Variants in XPR1 observed in about 807,000 individuals in gnomAD.
XPR1 encodes the protein xenotropic and polytropic retrovirus receptor 1.
XPR1 carries 28 observed loss-of-function variants against 87.5 expected under a neutral mutation model. The ratio of observed to expected loss-of-function variants is 0.32; its 90% CI spans 0.24 to 0.44. The LOEUF (loss-of-function observed/expected upper bound fraction) is 0.44. XPR1 is among the 20% of genes least tolerant of loss of function. XPR1 has a pLI of 1.00. For missense variants in XPR1, 559 were observed against 862.3 expected (o/e 0.65, Z 4.41); for synonymous variants, 300 against 306.1 (o/e 0.98, Z 0.21).
intron 2 of XPR1, among the ~76,000 whole-genome samples, chr1:180,760,604 C>G (rs1432755074): frequency 1.3e-5 from 2 of 151,988 alleles, no homozygotes; most frequent in East Asian, 1.9e-4. Flanking sequence ...ACTGCTCAAT[C>G]AAATAAAAGA....
chr1:180,733,095 A>G (rs989314052), intron 2 of XPR1, among the ~76,000 whole-genome samples: 1 of 152,018 alleles, frequency 6.6e-6, no homozygotes, highest in Non-Finnish European at 1.5e-5. Context: ...TCCTTCACTG[A>G]TGTGCTCCTT....
intron 1 of XPR1, among the ~76,000 whole-genome samples, chr1:180,663,917 A>G (rs1207268089): frequency 6.6e-6 from 1 of 152,002 alleles, no homozygotes; most frequent in East Asian, 1.9e-4. Context: ...GTCCACCAAC[A>G]CTATAGGGCC....
rs531996248 is a variant in XPR1, at chr1:180,638,311, A to G, written c.69+6041A>G. Among the ~76,000 whole-genome samples, 94 of 152,286 alleles carry G rather than the reference A, an allele frequency of 6.2e-4. No individual in the cohort carries two copies. The South Asian group carries it at 0.013, about 22-fold the overall frequency. ...ATAAATAAATATGCATATATTGGAG[A>G]TACATAATAAAACTTTTTTTAAATA... On this transcript the variant is annotated intron_variant, in intron 1 of 14. Coordinates refer to ENST00000367590, the MANE Select transcript of XPR1 (RefSeq NM_004736.4).
intron 2 of XPR1, among the ~76,000 whole-genome samples, chr1:180,758,072 T>C (rs1571805600): frequency 6.7e-6 from 1 of 148,340 alleles, no homozygotes; most frequent in Admixed American, 6.8e-5. Flanking sequence ...CCTAAAGAAA[T>C]AGAAGGATAT....
intron 2 of XPR1, among the ~76,000 whole-genome samples, chr1:180,730,882 G>T (rs1023478983): frequency 4.6e-5 from 7 of 151,648 alleles, no homozygotes; most frequent in Non-Finnish European, 7.4e-5. Flanking sequence ...ACCTAGGCTG[G>T]TCTTGAACTC....
In XPR1 at chr1:180,889,783, C is replaced by G. The variant is rs565185077; in HGVS notation, c.*5717C>G. ...ATTTTTCTGTTCAAACTCTCTCCTTCTATTTGTGTTTCCTTCACCCCTCTC... is the reference window on the plus strand; with the variant it reads ...ATTTTTCTGTTCAAACTCTCTCCTTGTATTTGTGTTTCCTTCACCCCTCTC... On this transcript the variant is annotated 3_prime_UTR_variant, in exon 15 of 15. Coordinates refer to ENST00000367590, the MANE Select transcript of XPR1 (RefSeq NM_004736.4). The G allele has an allele frequency of 1.3e-5, 2 of 152,322 alleles. No individual in the cohort carries two copies. Among genetic ancestry groups the G allele is most frequent in the African/African-American group, 2.4e-5 (1 of 41,580 alleles). The allele number at this position is 152,322 out of a possible 1,614,324, so 9.4% of individuals were successfully genotyped here. A position where few individuals can be genotyped will look rare whatever the true frequency, so the allele number is the denominator to read the frequency against.
At chr1:180,840,558 GTGTGTGTGTATATATATATA>G (rs1469432760) in intron 11 of XPR1, among the ~76,000 whole-genome samples, 1 of 134,970 alleles carries the variant, frequency 7.4e-6, no homozygotes, top group Non-Finnish European at 1.6e-5. Context: ...GTGTGTGTGT[GTGTGTGTGTATATATATATA>G]TATATATATA....
chr1:180,819,639 A>G (rs1650539315), intron 7 of XPR1, among the ~76,000 whole-genome samples: 1 of 152,176 alleles, frequency 6.6e-6, no homozygotes, highest in Non-Finnish European at 1.5e-5. Flanking sequence ...TCTTTTATGT[A>G]TGGCCACAGA....
In XPR1 at chr1:180,875,875, A is replaced by G. The variant is rs553063200; in HGVS notation, c.1808+1933A>G. Among the ~76,000 whole-genome samples the G allele has an allele frequency of 2.0e-5, 3 of 152,290 alleles. No homozygotes were observed. In the East Asian group the frequency reaches 5.8e-4, roughly 29 times the overall value. On this transcript the variant is annotated intron_variant, in intron 13 of 14. Coordinates refer to ENST00000367590, the MANE Select transcript of XPR1 (RefSeq NM_004736.4). ...ACAAATTATGAATATCAAAAAACCT[A>G]AAGACATTTATTTAAAGAGTAAGAC...
intron 3 of XPR1, among the ~76,000 whole-genome samples, chr1:180,791,179 A>G (rs191680797): frequency 2.0e-5 from 3 of 152,358 alleles, no homozygotes; most frequent in Non-Finnish European, 1.5e-5. Context: ...TCTAAGCTCA[A>G]TTCTAAATGG....
At chr1:180,819,687 G>C (rs909010901) in intron 7 of XPR1, among the ~76,000 whole-genome samples, 1 of 152,104 alleles carries the variant, frequency 6.6e-6, no homozygotes, top group African/African-American at 2.4e-5. Flanking sequence ...TGATATATTA[G>C]AGCAAATCTA....
chr1:180,808,287 C>CAA (rs77203238), intron 6 of XPR1, among the ~76,000 whole-genome samples: 5,702 of 126,026 alleles, frequency 0.045, 391 homozygotes, highest in African/African-American at 0.15. Context: ...TTCCATATAC[C>CAA]AAAAAAAAAA....
chr1:180,745,589 G>A (rs12091686), intron 2 of XPR1, among the ~76,000 whole-genome samples: 6,549 of 152,234 alleles, frequency 0.043, 505 homozygotes, highest in African/African-American at 0.15. Flanking sequence ...GATAAAAGAA[G>A]AAAAGGGGGG....
chr1:180,750,627 A>G (rs1647495575), intron 2 of XPR1, among the ~76,000 whole-genome samples: 1 of 152,062 alleles, frequency 6.6e-6, no homozygotes, highest in Admixed American at 6.6e-5. Flanking sequence ...TGCAGGTGCA[A>G]CATTTGTCTT....
chr1:180,679,715 A>G (rs1656498020), intron 1 of XPR1, among the ~76,000 whole-genome samples: 2 of 152,194 alleles, frequency 1.3e-5, no homozygotes, highest in Admixed American at 6.5e-5. Flanking sequence ...GGGGGAAAAA[A>G]CAAAAACAAA....
Position 180,803,697 on chromosome 1 carries a change from G to A in XPR1, c.447+86G>A, listed in dbSNP as rs931561497. On this transcript the variant is annotated intron_variant, in intron 4 of 14. Coordinates refer to ENST00000367590, the MANE Select transcript of XPR1 (RefSeq NM_004736.4). The stretch of plus-strand genomic sequence containing the variant: ...GGAAGTACCCTAAAGTATTACCAGT[G>A]GGTCAGTTCCAAAAAGGAAAATCCT... The A allele has an allele frequency of 8.5e-6, 10 of 1,175,606 alleles. No individual in the cohort carries two copies. In the East Asian group the frequency reaches 2.2e-4, roughly 25 times the overall value. 72.8% of individuals were successfully genotyped at this position (1,175,606 alleles called of 1,614,324 possible).
intron 2 of XPR1, among the ~76,000 whole-genome samples, chr1:180,760,080 C>G (rs1447059453): frequency 6.6e-6 from 1 of 152,106 alleles, no homozygotes; most frequent in Admixed American, 6.6e-5. Context: ...ATGCTAAAAA[C>G]GCTCAATAAA....
At chr1:180,805,985 G>A (rs1283927763) in intron 4 of XPR1, 77 bp from the exon 5 acceptor site, 4 of 1,477,066 alleles carry the variant, frequency 2.7e-6, no homozygotes, top group Admixed American at 2.1e-5. Flanking sequence ...AGCTCTGTCA[G>A]TGCTTAGTGC....
chr1:180,826,820 T>C (rs1010287878), intron 9 of XPR1, among the ~76,000 whole-genome samples: 2 of 152,090 alleles, frequency 1.3e-5, no homozygotes, highest in African/African-American at 4.8e-5. Flanking sequence ...CATAACAATT[T>C]TTTTTTAATC....
Sources: gnomAD v4.1 joint callset for allele counts (sites outside exome capture counted in the v4.1 genomes callset) on GRCh38, gnomAD v4.1.1 for gene constraint, MANE v1.5 for transcripts, NCBI Gene and HGNC (gene_info 2026-07-23, HGNC 2026-07-21) for gene names.